The following PAPOLA variants were observed in gnomAD, a reference collection of about 807,000 sequenced individuals.
The protein encoded by PAPOLA is polynucleotide adenylyltransferase alpha.
A neutral mutation model predicts 100.6 loss-of-function variants in PAPOLA; 15 were observed. The ratio of observed to expected loss-of-function variants is 0.15; its 90% CI spans 0.10 to 0.23. The LOEUF is 0.23. Among genes scored for constraint, PAPOLA ranks in the 10% least tolerant of loss-of-function variants. The pLI is 1.00. For missense variants in PAPOLA, 533 were observed against 884.2 expected (o/e 0.60, Z 5.04); for synonymous variants, 293 against 300.0 (o/e 0.98, Z 0.24).
intron 19 of PAPOLA, among the ~76,000 whole-genome samples, chr14:96,559,271 G>T (rs1475931869): frequency 2.0e-5 from 3 of 151,858 alleles, no homozygotes. Flanking sequence ...ATTTGCTGTG[G>T]TAGAAGTAAT....
intron 1 of PAPOLA, 83 bp from the exon 2 acceptor site, chr14:96,519,972 C>T (rs1451965776): frequency 2.6e-6 from 3 of 1,169,558 alleles, no homozygotes; most frequent in Non-Finnish European, 2.4e-6. Flanking sequence ...ATGTGTGTTA[C>T]TAAATTAGTT....
chr14:96,509,502 A>G (rs942096551), intron 1 of PAPOLA, among the ~76,000 whole-genome samples: 8 of 152,256 alleles, frequency 5.3e-5, no homozygotes, highest in African/African-American at 1.2e-4. Context: ...GTAACATACT[A>G]TAGAACCTGA....
At chr14:96,533,043 T>TC in intron 9 of PAPOLA, 1 of 982,592 alleles carries the variant, frequency 1.0e-6, no homozygotes, top group Non-Finnish European at 1.2e-6. Flanking sequence ...GTTTTTTTTT[T>TC]CTTTTTGCTT....
intron 6 of PAPOLA, among the ~76,000 whole-genome samples, chr14:96,530,739 T>C (rs1898930838): frequency 1.3e-5 from 2 of 152,142 alleles, no homozygotes; most frequent in South Asian, 2.1e-4. Flanking sequence ...TACGAAATAA[T>C]ATAGTTTGGA....
At chr14:96,518,542 T>C (rs1034181508) in intron 1 of PAPOLA, among the ~76,000 whole-genome samples, 1 of 151,674 alleles carries the variant, frequency 6.6e-6, no homozygotes, top group African/African-American at 2.4e-5. Context: ...TCCGAGTAGC[T>C]GGGACTACAG....
At chr14:96,540,976 G>A (rs1431670373) in intron 12 of PAPOLA, among the ~76,000 whole-genome samples, 2 of 152,220 alleles carry the variant, frequency 1.3e-5, no homozygotes, top group East Asian at 1.9e-4. Context: ...TGCAAGCTCC[G>A]CCTCCTGGGT....
In PAPOLA at chr14:96,502,549, G is replaced by A. The variant is rs1276160316; in HGVS notation, c.-44G>A. Reference sequence around the variant, plus strand: ...TCATGCCCAGGGCGGCAGCGGCGGCGGTTGCGGGGGGGAAGTGACTGGGCG... The same window carrying A: ...TCATGCCCAGGGCGGCAGCGGCGGCAGTTGCGGGGGGGAAGTGACTGGGCG... On this transcript the variant is annotated 5_prime_UTR_variant, in exon 1 of 22. Coordinates refer to ENST00000216277, the MANE Select transcript of PAPOLA (RefSeq NM_032632.5). 3 of 1,497,838 alleles carry A rather than the reference G, an allele frequency of 2.0e-6. No homozygotes were observed. Among genetic ancestry groups the A allele is most frequent in the African/African-American group, 1.4e-5 (1 of 70,302 alleles). 92.8% of individuals were successfully genotyped at this position (1,497,838 alleles called of 1,614,324 possible). A position where few individuals can be genotyped will look rare whatever the true frequency, so the allele number is the denominator to read the frequency against.
At chr14:96,543,198 T>C (rs1900131245) in intron 14 of PAPOLA, among the ~76,000 whole-genome samples, 1 of 152,158 alleles carries the variant, frequency 6.6e-6, no homozygotes, top group African/African-American at 2.4e-5. Context: ...CTTAATATTT[T>C]TTCTTCTCCT....
At chr14:96,509,319 A>G (rs894552944) in intron 1 of PAPOLA, among the ~76,000 whole-genome samples, 8 of 152,188 alleles carry the variant, frequency 5.3e-5, no homozygotes, top group Admixed American at 5.2e-4. Flanking sequence ...GGCTCATGCC[A>G]CCATGCCTGG....
intron 2 of PAPOLA, 71 bp from the exon 3 acceptor site, chr14:96,520,935 C>T: frequency 1.3e-6 from 1 of 788,748 alleles, no homozygotes; most frequent in Non-Finnish European, 2.3e-6. Flanking sequence ...GGAAGAACGC[C>T]TATTTAAAAC....
intron 1 of PAPOLA, chr14:96,504,166 A>G (rs949549728): frequency 1.3e-5 from 2 of 152,186 alleles, no homozygotes; most frequent in African/African-American, 4.8e-5. Context: ...TTAAGTTAAC[A>G]TTTTGCTGTC....
At position 96,566,137 on chromosome 14, in the gene PAPOLA, T is replaced by A; in HGVS notation, c.*1087T>A. 1 of 388,410 alleles carries A rather than the reference T, an allele frequency of 2.6e-6. No individual in the cohort carries two copies. The highest frequency in any genetic ancestry group is 4.6e-6 in the Non-Finnish European group (1 of 219,346). The allele number at this position is 388,410 out of a possible 1,614,324, so 24.1% of individuals were successfully genotyped here. A position where few individuals can be genotyped will look rare whatever the true frequency, so the allele number is the denominator to read the frequency against. On this transcript the variant is annotated 3_prime_UTR_variant, in exon 22 of 22. Coordinates refer to ENST00000216277, the MANE Select transcript of PAPOLA (RefSeq NM_032632.5). ...CTCCTATCTATAGTAAAATTGATTTTCAGTTTTAAATGTGGGCAAAAAGGC... is the reference window on the plus strand; with the variant it reads ...CTCCTATCTATAGTAAAATTGATTTACAGTTTTAAATGTGGGCAAAAAGGC...
At chr14:96,531,281 G>A (rs1368501629) in intron 6 of PAPOLA, among the ~76,000 whole-genome samples, 194 bp from the exon 7 acceptor site, 2 of 151,670 alleles carry the variant, frequency 1.3e-5, no homozygotes, top group South Asian at 2.1e-4. Flanking sequence ...GATTACAGGT[G>A]CGAGCCACTG....
At chr14:96,554,440 C>T (rs538539786) in intron 17 of PAPOLA, among the ~76,000 whole-genome samples, 1 of 152,342 alleles carries the variant, frequency 6.6e-6, no homozygotes, top group African/African-American at 2.4e-5. Flanking sequence ...CATTTACATT[C>T]ATATACCAAT....
chr14:96,502,510 C>G lies in PAPOLA; in HGVS notation c.-83C>G. ...GGCTGAGGCAGGCCCCCCCCTCCCTCCCGCCTCAGTGGATCATGCCCAGGG... is the reference window on the plus strand; with the variant it reads ...GGCTGAGGCAGGCCCCCCCCTCCCTGCCGCCTCAGTGGATCATGCCCAGGG... On this transcript the variant is annotated 5_prime_UTR_variant, in exon 1 of 22. Coordinates refer to ENST00000216277, the MANE Select transcript of PAPOLA (RefSeq NM_032632.5). The G allele has an allele frequency of 4.4e-6, 5 of 1,146,140 alleles. No individual in the cohort carries two copies. Among genetic ancestry groups the G allele is most frequent in the Non-Finnish European group, 5.0e-6 (4 of 795,742 alleles). 71.0% of individuals were successfully genotyped at this position (1,146,140 alleles called of 1,614,324 possible).
chr14:96,557,991 G>A (rs1156604918), intron 19 of PAPOLA, among the ~76,000 whole-genome samples: 4 of 151,918 alleles, frequency 2.6e-5, no homozygotes, highest in Non-Finnish European at 5.9e-5. Context: ...ATCCATGGTT[G>A]GTTGAATTCG....
chr14:96,536,859 A>G (rs1200707350), intron 11 of PAPOLA, 117 bp from the exon 12 acceptor site: 9 of 635,562 alleles, frequency 1.4e-5, no homozygotes, highest in Non-Finnish European at 2.3e-5. Flanking sequence ...CTAAAACTAT[A>G]TATGTTAAAA....
chr14:96,537,082 G>C (rs531102513), intron 12 of PAPOLA, 22 bp downstream of exon 12: 2 of 1,298,234 alleles, frequency 1.5e-6, no homozygotes, highest in Non-Finnish European at 2.2e-6. Context: ...AAGGCATGTC[G>C]GACATGTTGC....
intron 10 of PAPOLA, chr14:96,535,576 A>G: frequency 9.7e-7 from 1 of 1,033,750 alleles, no homozygotes; most frequent in Non-Finnish European, 1.2e-6. Flanking sequence ...CTGTTGTTGA[A>G]TAAAGAAAAA....
Sources: allele counts gnomAD v4.1 joint callset (sites outside exome capture counted in the v4.1 genomes callset), GRCh38; gene constraint gnomAD v4.1.1; transcripts MANE v1.5; gene names NCBI Gene and HGNC (gene_info 2026-07-23, HGNC 2026-07-21).